The following LEF1 variants were observed in gnomAD, a reference collection of about 807,000 sequenced individuals.
The protein encoded by LEF1 is lymphoid enhancer binding factor 1, also known as lymphoid enhancer-binding factor 1.
A neutral mutation model predicts 51.2 loss-of-function variants in LEF1; 14 were observed. The ratio of observed to expected loss-of-function variants is 0.27; its 90% CI spans 0.18 to 0.43. LEF1 has a LOEUF of 0.43. Among genes scored for constraint, LEF1 ranks in the 20% least tolerant of loss-of-function variants. The probability of loss-of-function intolerance (pLI) is 1.00; values close to 1 mark genes in which losing one functional copy is unlikely to be tolerated. For missense variants in LEF1, 386 were observed against 512.0 expected (o/e 0.75, Z 2.37); for synonymous variants, 185 against 183.2 (o/e 1.01, Z -0.08).
At chr4:108,105,678 C>T (rs1180251145) in intron 3 of LEF1, among the ~76,000 whole-genome samples, 7 of 152,108 alleles carry the variant, frequency 4.6e-5, no homozygotes, top group African/African-American at 1.7e-4. Context: ...TCTTCTATCT[C>T]GTTTCTCTAT....
intron 3 of LEF1, among the ~76,000 whole-genome samples, chr4:108,132,659 C>CTTTTTTT (rs749911957): frequency 0.016 from 779 of 47,436 alleles, 229 homozygotes; most frequent in African/African-American, 0.051. Flanking sequence ...GAAAATCTGC[C>CTTTTTTT]TTTTTTTTTT....
At chr4:108,150,459 G>T (rs542535470) in intron 3 of LEF1, among the ~76,000 whole-genome samples, 13 of 152,200 alleles carry the variant, frequency 8.5e-5, no homozygotes, top group South Asian at 8.3e-4. Context: ...GAATTTTCAA[G>T]AATACATTGA....
chr4:108,098,762 C>A (rs1329703842), intron 3 of LEF1, among the ~76,000 whole-genome samples: 1 of 152,108 alleles, frequency 6.6e-6, no homozygotes, highest in Non-Finnish European at 1.5e-5. Flanking sequence ...TTCTATAGAA[C>A]TTCTGAAGTG....
At chr4:108,124,192 T>G (rs1742362982) in intron 3 of LEF1, among the ~76,000 whole-genome samples, 1 of 152,150 alleles carries the variant, frequency 6.6e-6, no homozygotes, top group Admixed American at 6.6e-5. Flanking sequence ...GTATTATTAT[T>G]CTAATTTACA....
chr4:108,082,625 G>A (rs778348468), intron 5 of LEF1, among the ~76,000 whole-genome samples: 5 of 152,176 alleles, frequency 3.3e-5, no homozygotes, highest in Non-Finnish European at 5.9e-5. Flanking sequence ...GGAGAGGGAA[G>A]AGTGGAGAGA....
intron 2 of LEF1, among the ~76,000 whole-genome samples, 163 bp from the exon 3 acceptor site, chr4:108,163,864 A>G (rs1745224356): frequency 6.6e-6 from 1 of 152,250 alleles, no homozygotes; most frequent in South Asian, 2.1e-4. Flanking sequence ...TTAGATTGAC[A>G]GTATTTATTC....
intron 3 of LEF1, among the ~76,000 whole-genome samples, chr4:108,108,655 T>C (rs963191771): frequency 6.6e-6 from 1 of 152,152 alleles, no homozygotes; most frequent in Non-Finnish European, 1.5e-5. Context: ...TCACCAGACT[T>C]TTCCATGTGG....
chr4:108,113,891 C>T (rs1017633043), intron 3 of LEF1, among the ~76,000 whole-genome samples: 3 of 152,122 alleles, frequency 2.0e-5, no homozygotes, highest in Admixed American at 2.0e-4. Flanking sequence ...CTTTGTTCTG[C>T]TTTCAGCTGT....
chr4:108,103,548 T>A (rs1201717753), intron 3 of LEF1, among the ~76,000 whole-genome samples: 1 of 152,230 alleles, frequency 6.6e-6, no homozygotes, highest in African/African-American at 2.4e-5. Context: ...TCTACCTTGT[T>A]ACATCTAATT....
chr4:108,089,352 C>G, intron 3 of LEF1, 95 bp from the exon 4 acceptor site: 1 of 1,324,438 alleles, frequency 7.6e-7, no homozygotes, highest in Non-Finnish European at 1.0e-6. Context: ...AGTAACCAGT[C>G]ATCAACATAA....
chr4:108,072,622 T>A (rs1553949323), intron 8 of LEF1, among the ~76,000 whole-genome samples: 1 of 150,234 alleles, frequency 6.7e-6, no homozygotes, highest in Non-Finnish European at 1.5e-5. Flanking sequence ...TGCTTTTGTT[T>A]AAAAAAAAAA....
At chr4:108,099,580 A>ATGTGTGTGTG (rs1560789226) in intron 3 of LEF1, among the ~76,000 whole-genome samples, 1 of 37,034 alleles carries the variant, frequency 2.7e-5, no homozygotes, top group South Asian at 9.2e-4. Flanking sequence ...GTATATATAT[A>ATGTGTGTGTG]TATATATATA....
intron 3 of LEF1, among the ~76,000 whole-genome samples, chr4:108,116,721 A>G (rs1158408576): frequency 6.6e-6 from 1 of 152,158 alleles, no homozygotes; most frequent in Non-Finnish European, 1.5e-5. Flanking sequence ...GGCCTGGTGA[A>G]CCTGGGTGTG....
At chr4:108,072,993 C>G (rs1366591554) in intron 8 of LEF1, 1 of 152,208 alleles carries the variant, frequency 6.6e-6, no homozygotes, top group East Asian at 1.9e-4. Flanking sequence ...ACCGCAGCCT[C>G]GAACTCCTGG....
chr4:108,117,076 A>G (rs544528557), intron 3 of LEF1, among the ~76,000 whole-genome samples: 1 of 152,356 alleles, frequency 6.6e-6, no homozygotes, highest in East Asian at 1.9e-4. Flanking sequence ...CTGATAAGCA[A>G]TTAAGGTTCT....
intron 9 of LEF1, among the ~76,000 whole-genome samples, chr4:108,068,758 A>T (rs897448260): frequency 2.0e-5 from 3 of 152,218 alleles, no homozygotes; most frequent in African/African-American, 7.2e-5. Flanking sequence ...TGTGTGCATG[A>T]CCTCAGATAT....
chr4:108,110,606 C>T (rs1741470265), intron 3 of LEF1, among the ~76,000 whole-genome samples: 1 of 152,210 alleles, frequency 6.6e-6, no homozygotes, highest in Admixed American at 6.5e-5. Context: ...CACAGCTGAT[C>T]TGTGCCCCAC....
intron 6 of LEF1, among the ~76,000 whole-genome samples, chr4:108,081,364 C>T (rs1739290772): frequency 6.6e-6 from 1 of 152,072 alleles, no homozygotes; most frequent in Non-Finnish European, 1.5e-5. Flanking sequence ...GAGGCTGAGT[C>T]CATCGCCCGA....
At chr4:108,070,630 G>A (rs748964514) in intron 9 of LEF1, 33 bp downstream of exon 9, 4 of 1,390,944 alleles carry the variant, frequency 2.9e-6, no homozygotes, top group Middle Eastern at 1.8e-4. Flanking sequence ...ATGAGTGAGA[G>A]TGGAGAGCCA....
Sources: gnomAD v4.1 joint callset for allele counts (sites outside exome capture counted in the v4.1 genomes callset) on GRCh38, gnomAD v4.1.1 for gene constraint, MANE v1.5 for transcripts, NCBI Gene and HGNC (gene_info 2026-07-23, HGNC 2026-07-21) for gene names.